Variants in CCDC91 observed in about 807,000 individuals in gnomAD.
CCDC91 encodes the protein coiled-coil domain-containing protein 91.
In CCDC91, 48 loss-of-function variants were observed where a neutral mutation model predicts 63.2. The observed-to-expected ratio is 0.76, with a 90% CI of 0.60 to 0.97. The LOEUF is 0.97. Among genes scored for constraint, CCDC91 ranks in the 50% least tolerant of loss-of-function variants. The pLI is 0.00. For missense variants in CCDC91, 500 were observed against 494.6 expected (o/e 1.01, Z -0.10); for synonymous variants, 167 against 165.8 (o/e 1.01, Z -0.06).
chr12:28,292,387 C>T (rs1284184955), intron 3 of CCDC91, among the ~76,000 whole-genome samples: 1 of 152,122 alleles, frequency 6.6e-6, no homozygotes, highest in Non-Finnish European at 1.5e-5. Flanking sequence ...ATTTAAACTA[C>T]ATATTCCTTG....
intron 8 of CCDC91, among the ~76,000 whole-genome samples, chr12:28,433,542 C>T (rs892862489): frequency 9.2e-5 from 14 of 151,902 alleles, no homozygotes; most frequent in African/African-American, 3.4e-4. Flanking sequence ...TCTATTTTCT[C>T]TCTGTTCTGT....
At chr12:28,520,074 T>C (rs1940446680) in intron 12 of CCDC91, among the ~76,000 whole-genome samples, 1 of 152,164 alleles carries the variant, frequency 6.6e-6, no homozygotes, top group South Asian at 2.1e-4. Flanking sequence ...TTATAATCCT[T>C]TGGGTATATG....
chr12:28,482,418 T>G (rs73087906), intron 11 of CCDC91, among the ~76,000 whole-genome samples: 2,175 of 151,914 alleles, frequency 0.014, 19 homozygotes, highest in African/African-American at 0.021. Context: ...AATAGTAAAA[T>G]TTTTCAAAGA....
chr12:28,459,250 C>T (rs1026530363), intron 11 of CCDC91, among the ~76,000 whole-genome samples: 1 of 152,072 alleles, frequency 6.6e-6, no homozygotes, highest in African/African-American at 2.4e-5. Flanking sequence ...ATCAAGTGCT[C>T]CTCTTGAGCA....
chr12:28,377,808 G>A (rs539832280), intron 7 of CCDC91, among the ~76,000 whole-genome samples: 5 of 152,016 alleles, frequency 3.3e-5, no homozygotes, highest in Non-Finnish European at 7.4e-5. Context: ...TGCATTTGCA[G>A]TCTTTGTTTC....
intron 3 of CCDC91, among the ~76,000 whole-genome samples, chr12:28,277,992 C>G (rs904072377): frequency 6.6e-6 from 1 of 151,998 alleles, no homozygotes; most frequent in African/African-American, 2.4e-5. Flanking sequence ...GTTCCTACTT[C>G]TGGTTCTTTG....
At chr12:28,486,164 C>A (rs1951714193) in intron 12 of CCDC91, among the ~76,000 whole-genome samples, 1 of 152,144 alleles carries the variant, frequency 6.6e-6, no homozygotes, top group Admixed American at 6.6e-5. Context: ...CCCCTGGTAT[C>A]CACCAGTCCA....
chr12:28,332,781 G>T (rs1941614313), intron 6 of CCDC91, among the ~76,000 whole-genome samples: 1 of 151,808 alleles, frequency 6.6e-6, no homozygotes, highest in Non-Finnish European at 1.5e-5. Flanking sequence ...AGATATTCCT[G>T]ATTTATTAAC....
intron 1 of CCDC91, among the ~76,000 whole-genome samples, chr12:28,195,120 T>C (rs1472618766): frequency 6.7e-6 from 1 of 149,650 alleles, no homozygotes; most frequent in Non-Finnish European, 1.5e-5. Context: ...TACAGAGAGC[T>C]GATTGGTCCA....
At chr12:28,210,343 TA>T (rs1276005521) in intron 1 of CCDC91, among the ~76,000 whole-genome samples, 30 of 152,348 alleles carry the variant, frequency 2.0e-4, no homozygotes, top group Non-Finnish European at 3.4e-4. Context: ...TTACAGTTTT[TA>T]TTTTTCTTTC....
chr12:28,402,876 AGTGCTTTG>A (rs1946725322), intron 8 of CCDC91, among the ~76,000 whole-genome samples: 1 of 152,098 alleles, frequency 6.6e-6, no homozygotes, highest in Non-Finnish European at 1.5e-5. Flanking sequence ...ATTTTTGTAA[AGTGCTTTG>A]ACCATTTTAT....
At chr12:28,435,808 A>G (rs1181455367) in intron 8 of CCDC91, among the ~76,000 whole-genome samples, 1 of 151,774 alleles carries the variant, frequency 6.6e-6, no homozygotes, top group East Asian at 1.9e-4. Flanking sequence ...GTTTGCATCC[A>G]AATTGTTATG....
intron 11 of CCDC91, among the ~76,000 whole-genome samples, chr12:28,462,100 A>T (rs1329057593): frequency 6.6e-6 from 1 of 152,020 alleles, no homozygotes; most frequent in African/African-American, 2.4e-5. Flanking sequence ...TGAGTTCTTG[A>T]AACCAGATGA....
Position 28,298,312 on chromosome 12 carries a change from G to A in CCDC91, c.110-7337G>A, listed in dbSNP as rs1949674846. ...GGTCTGATTAGCAGGATGCCAGAAA[G>A]GCTTGCATCTCCAAATTTTGTGTTT... On this transcript the variant is annotated intron_variant, in intron 3 of 12. Transcript: ENST00000536442. Among the ~76,000 whole-genome samples, 3 of 149,834 alleles carry A rather than the reference G, an allele frequency of 2.0e-5. No individual in the cohort carries two copies. In the Admixed American group the frequency reaches 2.0e-4, roughly 10 times the overall value.
At chr12:28,248,051 T>C (rs1945872360) in intron 1 of CCDC91, among the ~76,000 whole-genome samples, 1 of 152,134 alleles carries the variant, frequency 6.6e-6, no homozygotes, top group Non-Finnish European at 1.5e-5. Flanking sequence ...CCAGACCGGT[T>C]CGTGTCCGCG....
intron 8 of CCDC91, among the ~76,000 whole-genome samples, chr12:28,418,037 G>T (rs1947786940): frequency 6.6e-6 from 1 of 152,088 alleles, no homozygotes; most frequent in African/African-American, 2.4e-5. Flanking sequence ...TACATGTGCA[G>T]CTTTTGGAAT....
intron 2 of CCDC91, among the ~76,000 whole-genome samples, chr12:28,258,007 A>G (rs1946560859): frequency 6.6e-6 from 1 of 151,710 alleles, no homozygotes; most frequent in African/African-American, 2.4e-5. Flanking sequence ...AGGGATTGTA[A>G]TTAATGACCT....
chr12:28,259,952 A>T (rs956358071), intron 3 of CCDC91, among the ~76,000 whole-genome samples: 1 of 152,028 alleles, frequency 6.6e-6, no homozygotes, highest in Admixed American at 6.6e-5. Flanking sequence ...TGTCAAAAGA[A>T]TATTTTGAGC....
At chr12:28,361,739 C>T (rs1943901394) in intron 6 of CCDC91, among the ~76,000 whole-genome samples, 1 of 151,762 alleles carries the variant, frequency 6.6e-6, no homozygotes, top group South Asian at 2.1e-4. Context: ...CTGTTTTCTC[C>T]ATTTCCCTTC....
Sources: gnomAD v4.1 joint callset for allele counts (sites outside exome capture counted in the v4.1 genomes callset) on GRCh38, gnomAD v4.1.1 for gene constraint, MANE v1.5 for transcripts, NCBI Gene and HGNC (gene_info 2026-07-23, HGNC 2026-07-21) for gene names.